Variants in SYNE2 observed in about 807,000 individuals in gnomAD.
The protein encoded by SYNE2 is spectrin repeat containing nuclear envelope protein 2, also known as nesprin-2.
SYNE2 carries 431 observed loss-of-function variants against 856.3 expected under a neutral mutation model. The ratio of observed to expected loss-of-function variants is 0.50; its 90% CI spans 0.47 to 0.55. The LOEUF is 0.55. Ranked by LOEUF, SYNE2 falls within the 20% of genes least tolerant of loss-of-function variation. The pLI is 0.00. For synonymous variants in SYNE2, 2,923 were observed against 2,872.3 expected (o/e 1.02, Z -0.56); for missense variants, 8,129 against 8,023.2 (o/e 1.01, Z -0.50).
intron 2 of SYNE2, among the ~76,000 whole-genome samples, chr14:63,930,514 A>G (rs1456844365): frequency 6.9e-6 from 1 of 145,028 alleles, no homozygotes; most frequent in African/African-American, 2.6e-5. Context: ...GCTCATCACT[A>G]TCCTTTATCA....
In SYNE2 at chr14:63,864,404, G is replaced by A. The variant is rs138610304; in HGVS notation, c.-52+11261G>A. The A allele has an allele frequency of 1.1e-4, 16 of 152,292 alleles. No homozygotes were observed. The East Asian group carries it at 3.1e-3, about 29-fold the overall frequency. The allele number at this position is 152,292 out of a possible 1,614,324, so 9.4% of individuals were successfully genotyped here. A position where few individuals can be genotyped will look rare whatever the true frequency, so the allele number is the denominator to read the frequency against. On this transcript the variant is annotated intron_variant, in intron 1 of 115. Transcript: ENST00000555002. Reference sequence around the variant, plus strand: ...GATGAAAAGAAACTTCTGAATGTTTGTAACCACAGATTGATGATTTGGTTA... The same window carrying A: ...GATGAAAAGAAACTTCTGAATGTTTATAACCACAGATTGATGATTTGGTTA...
chr14:64,113,491 C>A lies in SYNE2; in HGVS notation c.12760C>A (p.Gln4254Lys). The change falls in exon 66 of 116, where the codon CAA becomes AAA. Residue 4254 changes from glutamine to lysine, a missense_variant. Gln to Lys is a moderately conservative substitution (Grantham distance 53). Around this residue, in one of 3 missense-constraint regions of SYNE2, gnomAD observed 5,410 missense variants for 5,284.8 expected, o/e 1.02. Transcript: ENST00000555002. ...QVAELELWLQ[Q>K]ANVAVEPETL... is the part of the protein sequence containing the mutation. ...GGCCGAGCTGGAGCTGTGGCTGCAA[C>A]AAGCCAACGTGGCAGTTGAGCCGGA... 6.2e-7 allele frequency: 1 copy of A among 1,614,128 alleles called. No individual in the cohort carries two copies.
intron 83 of SYNE2, among the ~76,000 whole-genome samples, chr14:64,145,785 G>A (rs566767998): frequency 3.3e-5 from 5 of 152,104 alleles, no homozygotes; most frequent in Admixed American, 1.3e-4. Context: ...AAAAAATATC[G>A]AATGTTGGGA....
chr14:64,013,657 A>C (rs970697608), intron 32 of SYNE2, among the ~76,000 whole-genome samples: 5 of 152,204 alleles, frequency 3.3e-5, no homozygotes, highest in Non-Finnish European at 1.5e-5. Context: ...ATTGTGTTCC[A>C]GTGCAGAGTT....
intron 32 of SYNE2, among the ~76,000 whole-genome samples, chr14:64,015,011 G>GTATATAAATATATA (rs2096880322): frequency 7.7e-6 from 1 of 130,222 alleles, no homozygotes. Context: ...ATATATATAT[G>GTATATAAATATATA]TGTATATATG....
Position 64,061,809 on chromosome 14 carries a change from C to T in SYNE2, c.10068-942C>T, listed in dbSNP as rs191268120. Among the ~76,000 whole-genome samples the T allele has an allele frequency of 5.9e-5, 9 of 152,276 alleles. No individual in the cohort carries two copies. In the East Asian group the frequency reaches 1.7e-3, roughly 29 times the overall value. Reference sequence around the variant, plus strand: ...CAGAGGGAGTTTTCTATTAGACACCCATCCTGGGATTGGCTCCCAGCTTTA... The same window carrying T: ...CAGAGGGAGTTTTCTATTAGACACCTATCCTGGGATTGGCTCCCAGCTTTA... On this transcript the variant is annotated intron_variant, in intron 49 of 115. Coordinates refer to ENST00000555002, the MANE Select transcript of SYNE2 (RefSeq NM_182914.3).
rs763331397 is a variant in SYNE2 at position 63,909,241 on chromosome 14, G to A, written c.79+14G>A. The stretch of plus-strand genomic sequence containing the variant: ...TTTCATTGCAAGGTAATTAAGATTG[G>A]GTGGGGGTAACACCCACAGAAACTG... On this transcript the variant is annotated intron_variant, in intron 2 of 115. Transcript: ENST00000555002. 1.3e-6 allele frequency: 2 copies of A among 1,593,904 alleles called. No individual in the cohort carries two copies. Among genetic ancestry groups the A allele is most frequent in the Non-Finnish European group, 1.7e-6 (2 of 1,162,860 alleles).
chr14:64,120,177 G>A (rs912865266), intron 67 of SYNE2, among the ~76,000 whole-genome samples: 7 of 152,250 alleles, frequency 4.6e-5, no homozygotes, highest in Admixed American at 6.5e-5. Context: ...TTCCTACTTA[G>A]AGATTTATGT....
chr14:64,184,360 G>GTGTGTGTGTGTA (rs1555532282), intron 96 of SYNE2, among the ~76,000 whole-genome samples: 2 of 151,672 alleles, frequency 1.3e-5, no homozygotes, highest in East Asian at 1.9e-4. Context: ...GTGTGTGTGT[G>GTGTGTGTGTGTA]TGTATGTGTA....
intron 1 of SYNE2, among the ~76,000 whole-genome samples, chr14:63,894,041 G>A (rs545167118): frequency 6.6e-6 from 1 of 152,258 alleles, no homozygotes; most frequent in South Asian, 2.1e-4. Flanking sequence ...TTCACCTCGA[G>A]CCAAGTTACC....
Position 64,105,178 on chromosome 14 carries a change from G to A in SYNE2, c.12493-2313G>A, listed in dbSNP as rs534218940. Among the ~76,000 whole-genome samples, 3 of 152,180 alleles carry A rather than the reference G, an allele frequency of 2.0e-5. No homozygotes were observed. In the South Asian group the frequency reaches 6.2e-4, roughly 32 times the overall value. On this transcript the variant is annotated intron_variant, in intron 64 of 115. Coordinates refer to ENST00000555002, the MANE Select transcript of SYNE2 (RefSeq NM_182914.3). The stretch of plus-strand genomic sequence containing the variant: ...GACTTTTGGAGTAGCCCTCTAATTG[G>A]TTTACAGTCTCCAATTGTTTTTCCT...
intron 1 of SYNE2, among the ~76,000 whole-genome samples, chr14:63,905,411 A>G (rs911506944): frequency 2.6e-5 from 4 of 152,322 alleles, no homozygotes; most frequent in African/African-American, 7.2e-5. Flanking sequence ...GGTCATTTCA[A>G]TGATATTGAT....
intron 99 of SYNE2, among the ~76,000 whole-genome samples, chr14:64,194,604 CCTTTGATAACGT>C (rs2098532678): frequency 6.6e-6 from 1 of 152,198 alleles, no homozygotes; most frequent in Admixed American, 6.5e-5. Context: ...CTGCACCCAG[CCTTTGATAACGT>C]CTTTGAAAAG....
intron 19 of SYNE2, among the ~76,000 whole-genome samples, chr14:63,989,349 T>C (rs559311785): frequency 6.6e-6 from 1 of 152,278 alleles, no homozygotes; most frequent in Non-Finnish European, 1.5e-5. Flanking sequence ...TATTTTATTA[T>C]TTTTTTGAGA....
chr14:63,785,023 G>A (rs1429571623), intron 1 of SYNE2, among the ~76,000 whole-genome samples: 2 of 152,202 alleles, frequency 1.3e-5, no homozygotes, highest in East Asian at 3.9e-4. Flanking sequence ...GTTTGAAGTG[G>A]TGATCCTCAT....
chr14:64,023,070 C>G (rs377638628), intron 38 of SYNE2: 6 of 549,226 alleles, frequency 1.1e-5, no homozygotes, highest in Non-Finnish European at 2.0e-5. Flanking sequence ...GTTCACCAAG[C>G]TCATGGTGAA....
chr14:64,102,273 C>T (rs1168017173), intron 64 of SYNE2, among the ~76,000 whole-genome samples: 8 of 152,126 alleles, frequency 5.3e-5, no homozygotes, highest in Non-Finnish European at 7.4e-5. Flanking sequence ...CACGTCACCA[C>T]GCCCAGCTAA....
chr14:63,854,325 C>T (rs964012430), intron 1 of SYNE2, among the ~76,000 whole-genome samples: 3 of 152,162 alleles, frequency 2.0e-5, no homozygotes, highest in South Asian at 2.1e-4. Flanking sequence ...TACACCTGGC[C>T]TTCTCACCAC....
rs1410494928 is a variant in SYNE2, at chr14:64,053,615, AG to A, written c.9703del (p.Asp3235IlefsTer17). 6.2e-7 allele frequency: 1 copy of A among 1,613,126 alleles called. No individual in the cohort carries two copies. Among genetic ancestry groups the A allele is most frequent in the Admixed American group, 1.7e-5 (1 of 59,802 alleles). ...TGGAGACAAAACTACGTGAGTTTGA[AG>A]ATCTTCAGATGCAGCTTAACACAAG... Reference protein sequence around the residue: ...DVETKLREFEDLQMQLNTSID... With the variant: ...DVETKLREFEXLQMQLNTSID... On this transcript the variant is annotated frameshift_variant, in exon 48 of 116. Transcript: ENST00000555002. LOFTEE classifies it high-confidence loss of function.
Sources: gnomAD v4.1 joint callset for allele counts (sites outside exome capture counted in the v4.1 genomes callset) on GRCh38, gnomAD v4.1.1 for gene constraint, gnomAD v4.1.1 regional missense constraint, MANE v1.5 for transcripts, NCBI Gene and HGNC (gene_info 2026-07-23, HGNC 2026-07-21) for gene names.